ANO2: variants seen among roughly 807,000 people sequenced by gnomAD.
ANO2 encodes the protein anoctamin-2.
In ANO2, 101 loss-of-function variants were observed where a neutral mutation model predicts 124.2. That is an observed-to-expected ratio of 0.81 (90% CI 0.69 to 0.96). ANO2 has a LOEUF of 0.96. Ranked by LOEUF, ANO2 falls within the 40% of genes least tolerant of loss-of-function variation. The probability of loss-of-function intolerance (pLI) is 0.00; values close to 1 mark genes in which losing one functional copy is unlikely to be tolerated. For synonymous variants in ANO2, 486 were observed against 482.5 expected (o/e 1.01, Z -0.09); for missense variants, 1,293 against 1,274.5 (o/e 1.01, Z -0.22).
In ANO2 at chr12:5,733,875, T is replaced by G. The variant is rs192424742; in HGVS notation, c.1435-1245A>C. ...TTATACCACACACTGTAGATCTTCA[T>G]TACATATTTTTCTTTTATTTTTTCC... On this transcript the variant is annotated intron_variant, in intron 13 of 24. Coordinates refer to ENST00000682330, the MANE Select transcript of ANO2 (RefSeq NM_001364791.2). 3.9e-5 allele frequency among the ~76,000 whole-genome samples: 6 copies of G among 152,354 alleles called. No homozygotes were observed. In the East Asian group the frequency reaches 9.6e-4, roughly 24 times the overall value.
At chr12:5,910,117 T>C (rs781658183) in intron 3 of ANO2, among the ~76,000 whole-genome samples, 1 of 152,188 alleles carries the variant, frequency 6.6e-6, no homozygotes, top group Non-Finnish European at 1.5e-5. Flanking sequence ...TAAGTACAAA[T>C]GAGTATAATT....
At chr12:5,756,828 G>A (rs1039668630) in intron 10 of ANO2, among the ~76,000 whole-genome samples, 10 of 152,380 alleles carry the variant, frequency 6.6e-5, no homozygotes, top group South Asian at 4.1e-4. Context: ...ACGGGCAGAT[G>A]AGCAGGGCTG....
At chr12:5,879,134 T>C (rs1938312599) in intron 3 of ANO2, among the ~76,000 whole-genome samples, 1 of 151,994 alleles carries the variant, frequency 6.6e-6, no homozygotes, top group Non-Finnish European at 1.5e-5. Context: ...GGTATAAGGA[T>C]GGGGAAAAGG....
intron 7 of ANO2, 43 bp from the exon 8 acceptor site, chr12:5,807,411 C>G (rs576828721): frequency 2.6e-6 from 4 of 1,515,104 alleles, no homozygotes; most frequent in East Asian, 2.5e-5. Flanking sequence ...CTGGGGCAAG[C>G]GTTTCTCAAC....
At chr12:5,729,174 A>G (rs1386758248) in intron 14 of ANO2, among the ~76,000 whole-genome samples, 1 of 152,212 alleles carries the variant, frequency 6.6e-6, no homozygotes, top group Non-Finnish European at 1.5e-5. Context: ...AAGACAATCT[A>G]CAGAATTAAA....
At chr12:5,667,799 G>A (rs1334624079) in intron 14 of ANO2, among the ~76,000 whole-genome samples, 4 of 152,142 alleles carry the variant, frequency 2.6e-5, no homozygotes, top group South Asian at 2.1e-4. Context: ...GAGAACATGC[G>A]GTGTTTGGGT....
intron 1 of ANO2, among the ~76,000 whole-genome samples, chr12:5,932,361 C>T (rs1174819805): frequency 6.3e-5 from 9 of 143,562 alleles, no homozygotes; most frequent in Non-Finnish European, 9.1e-5. Flanking sequence ...AACAAAGTGA[C>T]TAAAAAGGAA....
rs1190174724 is a variant in ANO2, at chr12:5,852,891, G to GTA, written c.633+1151_633+1152insTA. Among the ~76,000 whole-genome samples the GTA allele has an allele frequency of 2.4e-4, 34 of 139,584 alleles. No individual in the cohort carries two copies. In the East Asian group the frequency reaches 4.7e-3, roughly 19 times the overall value. 91.6% of individuals were successfully genotyped at this position (139,584 alleles called of 152,430 possible). A position where few individuals can be genotyped will look rare whatever the true frequency, so the allele number is the denominator to read the frequency against. ...TGTGTGTGTGTGTGTGTGTGTGTGT[G>GTA]GTGTATATGAGAGAGAGAGAGAGAG... On this transcript the variant is annotated intron_variant, in intron 4 of 24. Coordinates refer to ENST00000682330, the MANE Select transcript of ANO2 (RefSeq NM_001364791.2).
At chr12:5,838,497 C>T (rs1214161926) in intron 4 of ANO2, among the ~76,000 whole-genome samples, 1 of 152,166 alleles carries the variant, frequency 6.6e-6, no homozygotes, top group African/African-American at 2.4e-5. Context: ...ACACATAGGT[C>T]TCCCCCGTAG....
intron 3 of ANO2, among the ~76,000 whole-genome samples, chr12:5,902,557 C>T (rs898132994): frequency 1.6e-5 from 2 of 124,746 alleles, no homozygotes; most frequent in African/African-American, 6.3e-5. Context: ...CCACTGCACT[C>T]CAGCCTGGCC....
At chr12:5,665,275 A>G (rs1004827990) in intron 14 of ANO2, among the ~76,000 whole-genome samples, 1 of 152,014 alleles carries the variant, frequency 6.6e-6, no homozygotes, top group African/African-American at 2.4e-5. Context: ...TTCTCATCCT[A>G]TCTCCTGGCT....
chr12:5,693,730 A>G (rs1349553499), intron 14 of ANO2, among the ~76,000 whole-genome samples: 1 of 151,838 alleles, frequency 6.6e-6, no homozygotes, highest in East Asian at 1.9e-4. Context: ...GGCCACACTG[A>G]CCTCTTTGCT....
At chr12:5,901,511 C>T (rs772839427) in intron 3 of ANO2, among the ~76,000 whole-genome samples, 24 of 152,282 alleles carry the variant, frequency 1.6e-4, no homozygotes, top group South Asian at 1.2e-3. Context: ...ATGGGCAAGC[C>T]CCCTGGGAAG....
At chr12:5,801,230 G>T (rs1039668977) in intron 9 of ANO2, among the ~76,000 whole-genome samples, 2 of 152,150 alleles carry the variant, frequency 1.3e-5, no homozygotes, top group Non-Finnish European at 2.9e-5. Context: ...GAATATTTCT[G>T]CAGCAACTTT....
At chr12:5,833,418 C>T (rs1024224663) in intron 4 of ANO2, among the ~76,000 whole-genome samples, 22 of 152,178 alleles carry the variant, frequency 1.4e-4, no homozygotes, top group African/African-American at 5.3e-4. Flanking sequence ...ATTTTTCACA[C>T]ATATTCTTTT....
At chr12:5,691,793 C>T (rs1948953399) in intron 14 of ANO2, among the ~76,000 whole-genome samples, 2 of 152,008 alleles carry the variant, frequency 1.3e-5, no homozygotes, top group African/African-American at 4.8e-5. Flanking sequence ...ATTTCAGCTA[C>T]TTGGGAGGCT....
chr12:5,934,388 T>C (rs529276085), intron 1 of ANO2, among the ~76,000 whole-genome samples: 11 of 152,338 alleles, frequency 7.2e-5, no homozygotes, highest in African/African-American at 2.6e-4. Context: ...TTTTTACAAA[T>C]AGCATTTATA....
At chr12:5,921,710 GCA>G (rs1473259938) in intron 2 of ANO2, among the ~76,000 whole-genome samples, 1 of 151,954 alleles carries the variant, frequency 6.6e-6, no homozygotes, top group Non-Finnish European at 1.5e-5. Context: ...GCCCACGCCT[GCA>G]CACACACATG....
chr12:5,566,105 A>G (rs1037706625), intron 23 of ANO2, among the ~76,000 whole-genome samples: 1 of 152,154 alleles, frequency 6.6e-6, no homozygotes, highest in African/African-American at 2.4e-5. Context: ...ACCAGCAGGC[A>G]GTCTTGGGCT....
Sources: allele counts gnomAD v4.1 joint callset (sites outside exome capture counted in the v4.1 genomes callset), GRCh38; gene constraint gnomAD v4.1.1; transcripts MANE v1.5; gene names NCBI Gene and HGNC (gene_info 2026-07-23, HGNC 2026-07-21).